Variants in LAP3 observed in about 807,000 individuals in gnomAD.
LAP3 encodes the protein leucine aminopeptidase 3.
A neutral mutation model predicts 58.8 loss-of-function variants in LAP3; 46 were observed. The ratio of observed to expected loss-of-function variants is 0.78; its 90% confidence interval spans 0.62 to 1.00. The LOEUF (loss-of-function observed/expected upper bound fraction) is 1.00. Among genes scored for constraint, LAP3 ranks in the 50% least tolerant of loss-of-function variants. The pLI, the probability that LAP3 is intolerant of heterozygous loss-of-function variation, is 0.00. For missense variants in LAP3, 615 were observed against 659.1 expected (o/e 0.93, Z 0.73); for synonymous variants, 257 against 237.7 (o/e 1.08, Z -0.75).
intron 7 of LAP3, among the ~76,000 whole-genome samples, chr4:17,593,083 C>A (rs1411312265): frequency 6.6e-6 from 1 of 152,232 alleles, no homozygotes; most frequent in Non-Finnish European, 1.5e-5. Context: ...CAGGCATGAG[C>A]CATCACACCC....
chr4:17,605,476 T>G (rs764210018), intron 11 of LAP3, among the ~76,000 whole-genome samples: 17 of 152,240 alleles, frequency 1.1e-4, no homozygotes, highest in Non-Finnish European at 2.1e-4. Context: ...ATGTGGCTGC[T>G]AGACAGCTCC....
At chr4:17,602,176 G>A (rs1412247251) in intron 10 of LAP3, among the ~76,000 whole-genome samples, 1 of 152,146 alleles carries the variant, frequency 6.6e-6, no homozygotes, top group Non-Finnish European at 1.5e-5. Flanking sequence ...TTCAGTGCTT[G>A]TCCTGATACT....
intron 8 of LAP3, among the ~76,000 whole-genome samples, chr4:17,596,732 T>G (rs77753893): frequency 0.018 from 2,684 of 152,374 alleles, 92 homozygotes; most frequent in African/African-American, 0.061. Context: ...TATTCCTGTT[T>G]TCTTCCACGG....
At position 17,582,308 on chromosome 4, in the gene LAP3, AG is replaced by A. The variant is rs748753408; in HGVS notation, c.295del (p.Val99LeufsTer67). The A allele has an allele frequency of 7.4e-6, 12 of 1,613,926 alleles. No homozygotes were observed. Among genetic ancestry groups the A allele is most frequent in the African/African-American group, 1.3e-5 (1 of 74,942 alleles). On this transcript the variant is annotated frameshift_variant, in exon 4 of 13. Coordinates refer to ENST00000226299, the MANE Select transcript of LAP3 (RefSeq NM_015907.3). LOFTEE classifies it high-confidence loss of function. The stretch of plus-strand genomic sequence containing the variant: ...GACAGGACTTCCCCAGCGTGGTGCT[AG>A]TTGGCCTCGGCAAAAAGGCAGCTGG... ...LHQDFPSVVLVGLGKKAAGID... is the reference protein window; with the variant it reads ...LHQDFPSVVLXGLGKKAAGID...
chr4:17,582,846 T>C (rs1242026393), intron 4 of LAP3, among the ~76,000 whole-genome samples: 2 of 152,324 alleles, frequency 1.3e-5, no homozygotes, highest in East Asian at 1.9e-4. Context: ...GCAGGGGCCA[T>C]TGAGTCACTT....
In LAP3 at chr4:17,597,119, C is replaced by G; in HGVS notation, c.1062C>G (p.Asn354Lys). ...CGGGGGATGTTGTTAGAGCCAAAAA[C>G]GGGAAGACCATCCAGGTTTGTAAAT... ...NKPGDVVRAK[N>K]GKTIQVDNTD... Residue 354 changes from asparagine to lysine, a missense_variant, in exon 9 of 13, where the codon AAC becomes AAG. Transcript: ENST00000226299. 2 of 1,614,200 alleles carry G rather than the reference C, an allele frequency of 1.2e-6. No individual in the cohort carries two copies. The highest frequency in any genetic ancestry group is 1.7e-6 in the Non-Finnish European group (2 of 1,179,998).
At chr4:17,604,547 C>T in intron 10 of LAP3, 41 bp from the exon 11 acceptor site, 2 of 1,540,104 alleles carry the variant, frequency 1.3e-6, no homozygotes, top group Non-Finnish European at 1.8e-6. Context: ...CCCATTTTGC[C>T]TGGAGAGACT....
At chr4:17,587,044 T>C (rs759717428) in intron 6 of LAP3, among the ~76,000 whole-genome samples, 1 of 152,148 alleles carries the variant, frequency 6.6e-6, no homozygotes, top group Non-Finnish European at 1.5e-5. Flanking sequence ...AGATGGAGGT[T>C]GCAGTGAGCT....
chr4:17,590,231 A>G (rs1388943551), intron 7 of LAP3, among the ~76,000 whole-genome samples: 1 of 152,190 alleles, frequency 6.6e-6, no homozygotes, highest in African/African-American at 2.4e-5. Context: ...CCTGGGAATC[A>G]TGTTACCTGG....
At chr4:17,582,153 A>T in intron 3 of LAP3, 135 bp from the exon 4 acceptor site, 1 of 718,338 alleles carries the variant, frequency 1.4e-6, no homozygotes, top group Non-Finnish European at 2.3e-6. Context: ...ACCAAATTTC[A>T]CCGTGCGTTT....
At chr4:17,599,533 T>C (rs895668790) in intron 10 of LAP3, among the ~76,000 whole-genome samples, 20 of 150,428 alleles carry the variant, frequency 1.3e-4, no homozygotes, top group African/African-American at 4.5e-4. Flanking sequence ...AGACTCCCTC[T>C]TAAAAAATAA....
intron 10 of LAP3, among the ~76,000 whole-genome samples, chr4:17,603,043 C>T (rs1043765266): frequency 1.3e-5 from 2 of 151,374 alleles, no homozygotes; most frequent in Non-Finnish European, 3.0e-5. Context: ...CGCGATGGCT[C>T]ACACCTGTAA....
chr4:17,583,792 G>C, intron 5 of LAP3, 150 bp downstream of exon 5: 1 of 808,554 alleles, frequency 1.2e-6, no homozygotes, highest in Non-Finnish European at 2.0e-6. Context: ...TAATAATGTG[G>C]TCAAAATTAA....
chr4:17,577,352 C>A lies in LAP3; in HGVS notation c.-114C>A. 1.3e-6 allele frequency: 1 copy of A among 747,078 alleles called. No homozygotes were observed. The highest frequency in any genetic ancestry group is 2.0e-6 in the Non-Finnish European group (1 of 498,484). 46.3% of individuals were successfully genotyped at this position (747,078 alleles called of 1,614,324 possible). ...GACGCACGTCCGCTCGCCCGGCGCC[C>A]GAGCCAGTCCGCGCGCACGCCGTCT... is the stretch of plus-strand genomic sequence containing the variant. On this transcript the variant is annotated 5_prime_UTR_variant, in exon 1 of 13. Transcript: ENST00000226299.
At chr4:17,579,034 A>C (rs540252035) in intron 1 of LAP3, among the ~76,000 whole-genome samples, 33 of 152,356 alleles carry the variant, frequency 2.2e-4, no homozygotes, top group Admixed American at 2.0e-3. Flanking sequence ...AGAAAAGGAT[A>C]CAGATTTTAT....
chr4:17,596,900 G>A (rs937142726), intron 8 of LAP3, 146 bp from the exon 9 acceptor site: 2 of 657,330 alleles, frequency 3.0e-6, no homozygotes, highest in Non-Finnish European at 5.6e-6. Flanking sequence ...CATGTCAGTT[G>A]TGTCATTGGT....
Position 17,606,909 on chromosome 4 carries a change from T to A in LAP3, c.1341T>A (p.Leu447=). The A allele has an allele frequency of 6.2e-7, 1 of 1,612,740 alleles. No homozygotes were observed. The highest frequency in any genetic ancestry group is 8.5e-7 in the Non-Finnish European group (1 of 1,179,192). Residue 447 remains leucine (L), a synonymous_variant, in exon 12 of 13, where the codon CTT becomes CTA. Coordinates refer to ENST00000226299, the MANE Select transcript of LAP3 (RefSeq NM_015907.3). The part of the protein sequence containing the change: ...HYTRQVVDCQ[L]ADVNNIGKYR... ...CAAGACAGGTTGTAGATTGCCAGCT[T>A]GCTGATGTTAACAACATTGGAAAAT...
chr4:17,594,740 G>A (rs1014244632), intron 7 of LAP3, among the ~76,000 whole-genome samples: 1 of 152,214 alleles, frequency 6.6e-6, no homozygotes, highest in Non-Finnish European at 1.5e-5. Context: ...AGCACACCTT[G>A]TGCAGTGTTG....
Position 17,595,429 on chromosome 4 carries a change from G to C in LAP3, c.883G>C (p.Ala295Pro). The C allele has an allele frequency of 6.2e-7, 1 of 1,613,934 alleles. No homozygotes were observed. The change falls in exon 8 of 13, where the codon GCT (alanine) becomes CCT (proline). Residue 295 changes from alanine to proline, a missense_variant. Ala to Pro is a conservative substitution (Grantham distance 27, BLOSUM62 -1). Transcript: ENST00000226299. ...TFDSGGISIK[A>P]SANMDLMRAD... ...CCATAGTGGTGGTATCTCCATCAAG[G>C]CTTCTGCAAATATGGACCTCATGAG...
Sources: gnomAD v4.1 joint callset for allele counts (sites outside exome capture counted in the v4.1 genomes callset) on GRCh38, gnomAD v4.1.1 for gene constraint, MANE v1.5 for transcripts, NCBI Gene and HGNC (gene_info 2026-07-23, HGNC 2026-07-21) for gene names.